The following PDE3B variants were observed in gnomAD, a reference collection of about 807,000 sequenced individuals.
PDE3B encodes the protein cGMP-inhibited 3',5'-cyclic phosphodiesterase 3B.
In PDE3B, 66 loss-of-function variants were observed where a neutral mutation model predicts 116.8. That is an observed-to-expected ratio of 0.56 (90% confidence interval 0.46 to 0.69). PDE3B has a LOEUF of 0.69. PDE3B is among the 30% of genes least tolerant of loss of function. PDE3B has a pLI of 0.00. For synonymous variants in PDE3B, 595 were observed against 533.6 expected, an observed-to-expected ratio of 1.12 and a Z score of -1.59; for missense variants, 1,384 against 1,368.1, an observed-to-expected ratio of 1.01 and a Z score of -0.18.
At chr11:14,645,827 T>C (rs1343134736) in intron 1 of PDE3B, among the ~76,000 whole-genome samples, 4 of 152,164 alleles carry the variant, frequency 2.6e-5, no homozygotes, top group Non-Finnish European at 5.9e-5. Flanking sequence ...CATCTTTATA[T>C]AGTATTGGAA....
intron 1 of PDE3B, among the ~76,000 whole-genome samples, chr11:14,687,929 T>G (rs1854922306): frequency 6.6e-6 from 1 of 152,152 alleles, no homozygotes; most frequent in Non-Finnish European, 1.5e-5. Flanking sequence ...AAATATATAC[T>G]TTTCATTATA....
chr11:14,849,574 T>C (rs1847695583), intron 12 of PDE3B, among the ~76,000 whole-genome samples: 3 of 152,216 alleles, frequency 2.0e-5, no homozygotes, highest in African/African-American at 7.2e-5. Context: ...GAGAAAATTT[T>C]CGCAACCTAC....
At chr11:14,889,535 G>C in the PDE3B span, among the ~76,000 whole-genome samples, 2 of 152,058 alleles carry the variant, frequency 1.3e-5, no homozygotes, top group African/African-American at 4.8e-5. Context: ...GCTCCTTTCA[G>C]TTTTTCCTCT....
rs542526927 is a variant in PDE3B, at chr11:14,649,382, A to G, written c.978+4329A>G. 4.6e-5 allele frequency among the ~76,000 whole-genome samples: 7 copies of G among 152,346 alleles called. No individual in the cohort carries two copies. In the Middle Eastern group the frequency reaches 0.017, roughly 370 times the overall value. On this transcript the variant is annotated intron_variant, in intron 1 of 15. Transcript: ENST00000282096. Reference sequence around the variant, plus strand: ...AATCTAATTGAAATCTGCTCATTATATATTGTACAAGGAAAATAAATTGAA... The same window carrying G: ...AATCTAATTGAAATCTGCTCATTATGTATTGTACAAGGAAAATAAATTGAA...
intron 1 of PDE3B, among the ~76,000 whole-genome samples, chr11:14,672,454 T>C (rs534190195): frequency 5.9e-4 from 90 of 152,260 alleles, no homozygotes; most frequent in South Asian, 1.5e-3. Flanking sequence ...AATGTTTTAT[T>C]AGGGGTGAAA....
the PDE3B span, chr11:14,891,883 A>G: frequency 6.9e-7 from 1 of 1,457,708 alleles, no homozygotes. Context: ...GGTCCCGACT[A>G]GTCGGCCCAG....
chr11:14,772,160 T>A lies in PDE3B; in HGVS notation c.1029+173T>A, dbSNP rs189128625. ...AGAACCTTCATTGAGGTAGATTTTT[T>A]AAAAATATATTTTAATTATAAGGGA... is the stretch of plus-strand genomic sequence containing the variant. On this transcript the variant is annotated intron_variant, in intron 2 of 15. Coordinates refer to ENST00000282096, the MANE Select transcript of PDE3B (RefSeq NM_000922.4). The A allele has an allele frequency of 7.2e-4, 250 of 349,650 alleles. 2 individuals carry two copies. The East Asian group carries it at 8.8e-3, about 12-fold the overall frequency. The allele number at this position is 349,650 out of a possible 1,614,324, so 21.7% of individuals were successfully genotyped here.
At chr11:14,797,623 C>G (rs1305006993) in intron 4 of PDE3B, among the ~76,000 whole-genome samples, 1 of 152,066 alleles carries the variant, frequency 6.6e-6, no homozygotes, top group Non-Finnish European at 1.5e-5. Context: ...GTTTGTAGTT[C>G]TCCTTGAAGA....
chr11:14,776,811 T>C (rs1261835338), intron 2 of PDE3B: 3 of 152,032 alleles, frequency 2.0e-5, no homozygotes, highest in Admixed American at 2.0e-4. Context: ...AAGATTTCTG[T>C]AGGACCCAGA....
At chr11:14,853,557 C>T (rs1555005624) in intron 12 of PDE3B, among the ~76,000 whole-genome samples, 2 of 152,134 alleles carry the variant, frequency 1.3e-5, no homozygotes, top group African/African-American at 4.8e-5. Context: ...GGTTAAGTAA[C>T]AAAGTAGGTT....
At chr11:14,691,954 C>T (rs998645458) in intron 1 of PDE3B, among the ~76,000 whole-genome samples, 2 of 151,882 alleles carry the variant, frequency 1.3e-5, no homozygotes, top group African/African-American at 4.8e-5. Flanking sequence ...CTGAGTTTTC[C>T]CTTCTGAAAT....
intron 1 of PDE3B, among the ~76,000 whole-genome samples, chr11:14,677,670 T>C (rs910774619): frequency 1.3e-5 from 2 of 152,196 alleles, no homozygotes; most frequent in Admixed American, 6.5e-5. Flanking sequence ...AGAAGTTCCC[T>C]TGTGCTTTCT....
chr11:14,678,255 G>GT lies in PDE3B; in HGVS notation c.978+33212dup, dbSNP rs1250043569. Among the ~76,000 whole-genome samples, 27 of 149,834 alleles carry GT rather than the reference G, an allele frequency of 1.8e-4. No individual in the cohort carries two copies. The East Asian group carries it at 2.7e-3, about 15-fold the overall frequency. ...CATTCATTCTTTGAAGAATATTTAG[G>GT]TTTTTTTTTTCTAGTTGTGTTGATT... On this transcript the variant is annotated intron_variant, in intron 1 of 15. Coordinates refer to ENST00000282096, the MANE Select transcript of PDE3B (RefSeq NM_000922.4).
chr11:14,880,134 A>C, the PDE3B span: 1 of 1,612,426 alleles, frequency 6.2e-7, no homozygotes, highest in Non-Finnish European at 8.5e-7. Flanking sequence ...GAGAATCCTC[A>C]CCTTGAATAT....
the PDE3B span, chr11:14,880,404 T>C: frequency 2.5e-6 from 4 of 1,613,420 alleles, no homozygotes; most frequent in South Asian, 3.3e-5. Flanking sequence ...TAAACAGCTG[T>C]TGATGTTTTC....
In PDE3B at chr11:14,643,857, G is replaced by A; in HGVS notation, c.-219G>A. On this transcript the variant is annotated 5_prime_UTR_variant, in exon 1 of 16. Coordinates refer to ENST00000282096, the MANE Select transcript of PDE3B (RefSeq NM_000922.4). ...AGGCGGCAGCTAAACTGGTCCTGGAGAGAAGCCCCTTCCGCCCCTCTCCTC... is the reference window on the plus strand; with the variant it reads ...AGGCGGCAGCTAAACTGGTCCTGGAAAGAAGCCCCTTCCGCCCCTCTCCTC... 1.7e-6 allele frequency: 1 copy of A among 589,642 alleles called. No homozygotes were observed. The highest frequency in any genetic ancestry group is 2.7e-6 in the Non-Finnish European group (1 of 373,672). 36.5% of individuals were successfully genotyped at this position (589,642 alleles called of 1,614,324 possible). A position where few individuals can be genotyped will look rare whatever the true frequency, so the allele number is the denominator to read the frequency against.
At chr11:14,800,525 G>A (rs757817719) in intron 4 of PDE3B, among the ~76,000 whole-genome samples, 3 of 152,130 alleles carry the variant, frequency 2.0e-5, no homozygotes, top group East Asian at 1.9e-4. Flanking sequence ...AGAGAGATCC[G>A]CTGTTAGTCT....
intron 2 of PDE3B, among the ~76,000 whole-genome samples, chr11:14,777,208 A>G (rs777624513): frequency 6.6e-6 from 1 of 152,206 alleles, no homozygotes; most frequent in Non-Finnish European, 1.5e-5. Flanking sequence ...AGCCAATTTT[A>G]CAACATAGAG....
chr11:14,856,177 T>A (rs1590197428), intron 12 of PDE3B, among the ~76,000 whole-genome samples: 1 of 152,218 alleles, frequency 6.6e-6, no homozygotes, highest in Admixed American at 6.5e-5. Flanking sequence ...GTGTGTGCTC[T>A]CTCTCCCTCT....
Sources: allele counts gnomAD v4.1 joint callset (sites outside exome capture counted in the v4.1 genomes callset), GRCh38; gene constraint gnomAD v4.1.1; transcripts MANE v1.5; gene names NCBI Gene and HGNC (gene_info 2026-07-23, HGNC 2026-07-21).